The following PIEZO2 variants were observed in gnomAD, a reference collection of about 807,000 sequenced individuals.
PIEZO2 encodes piezo-type mechanosensitive ion channel component 2.
A neutral mutation model predicts 337.3 loss-of-function variants in PIEZO2; 172 were observed. The ratio of observed to expected loss-of-function variants is 0.51; its 90% CI spans 0.45 to 0.58. The LOEUF is 0.58. PIEZO2 is among the 20% of genes least tolerant of loss of function. The probability of loss-of-function intolerance (pLI) is 0.00; values close to 1 mark genes in which losing one functional copy is unlikely to be tolerated. For missense variants in PIEZO2, 3,028 were observed against 3,391.3 expected (o/e 0.89, Z 2.66); for synonymous variants, 1,251 against 1,228.5 (o/e 1.02, Z -0.38).
intron 2 of PIEZO2, among the ~76,000 whole-genome samples, chr18:11,025,056 G>A (rs1359946004): frequency 6.6e-6 from 1 of 151,884 alleles, no homozygotes; most frequent in East Asian, 1.9e-4. Context: ...ATTTCTATAA[G>A]CGTCCTCTCT....
intron 39 of PIEZO2, among the ~76,000 whole-genome samples, chr18:10,708,909 T>C (rs940317606): frequency 1.3e-5 from 2 of 152,120 alleles, no homozygotes; most frequent in African/African-American, 4.8e-5. Context: ...ATCTTTTTTT[T>C]CTTTTTAACA....
chr18:10,828,123 TTTGTTTG>T lies in PIEZO2; in HGVS notation c.918-20856_918-20850del, dbSNP rs1165372523. Among the ~76,000 whole-genome samples, 32 of 117,418 alleles carry T rather than the reference TTTGTTTG, an allele frequency of 2.7e-4. No individual in the cohort carries two copies. Among genetic ancestry groups the T allele is most frequent in the Non-Finnish European group, 3.8e-4 (23 of 59,780 alleles). The allele number at this position is 117,418 out of a possible 152,430, so 77.0% of individuals were successfully genotyped here. On this transcript the variant is annotated intron_variant, in intron 7 of 55. Transcript: ENST00000674853. The surrounding 1 kb of genome is among the most constrained non-coding windows in gnomAD (Gnocchi z 4.1). ...GCTCGAAATAGCATGACGGTTTTTTTTTGTTTGTTTGTTTTTGTTTTTTTTTTTTTTT... is the reference window on the plus strand; with the variant it reads ...GCTCGAAATAGCATGACGGTTTTTTTTTTGTTTTTGTTTTTTTTTTTTTTT...
At chr18:10,739,182 A>G (rs2037123099) in intron 33 of PIEZO2, 1 of 152,352 alleles carries the variant, frequency 6.6e-6, no homozygotes, top group East Asian at 1.9e-4. Flanking sequence ...ACTTGTAAAA[A>G]GAAATACATT....
chr18:11,043,250 C>T (rs1222504491), intron 2 of PIEZO2, among the ~76,000 whole-genome samples: 2 of 70,966 alleles, frequency 2.8e-5, no homozygotes, highest in African/African-American at 2.0e-4. Flanking sequence ...AACGCACACA[C>T]ACACACACAC....
Position 10,894,169 on chromosome 18 carries a change from T to C in PIEZO2, c.329+17017A>G, listed in dbSNP as rs1308320998. 2.0e-5 allele frequency among the ~76,000 whole-genome samples: 3 copies of C among 152,032 alleles called. No homozygotes were observed. The highest frequency in any genetic ancestry group is 7.2e-5 in the African/African-American group (3 of 41,406). ...CAAGCATGTGCATTAAGAGGCAAAA[T>C]GGGCCAAGTGCGGTGGCTCACACCT... On this transcript the variant is annotated intron_variant, in intron 4 of 55. Coordinates refer to ENST00000674853, the MANE Select transcript of PIEZO2 (RefSeq NM_001378183.1). This position sits in a 1 kb window ranked among gnomAD's most constrained non-coding sequence, Gnocchi z 4.1.
rs920911406 is a variant in PIEZO2, at chr18:10,895,916, C to A, written c.329+15270G>T. Among the ~76,000 whole-genome samples the A allele has an allele frequency of 6.6e-6, 1 of 151,684 alleles. No homozygotes were observed. Among genetic ancestry groups the A allele is most frequent in the Admixed American group, 6.6e-5 (1 of 15,226 alleles). ...TTTACTAAAAATACAGAAAATTACC[C>A]GGGCGTGGTGGCGTGTGCCTGTAAT... On this transcript the variant is annotated intron_variant, in intron 4 of 55. Coordinates refer to ENST00000674853, the MANE Select transcript of PIEZO2 (RefSeq NM_001378183.1). This position sits in a 1 kb window ranked among gnomAD's most constrained non-coding sequence, Gnocchi z 4.8.
rs1410272633 is a variant in PIEZO2 at position 11,116,384 on chromosome 18, C to T, written c.64+32141G>A. Reference sequence around the variant, plus strand: ...CCAACGGTGTGAAAATGCACCTCGACAATGCTTGGGTGATCTGTTTCTTGG... The same window carrying T: ...CCAACGGTGTGAAAATGCACCTCGATAATGCTTGGGTGATCTGTTTCTTGG... On this transcript the variant is annotated intron_variant, in intron 1 of 55. Transcript: ENST00000674853. This position sits in a 1 kb window ranked among gnomAD's most constrained non-coding sequence, Gnocchi z 5.0. Among the ~76,000 whole-genome samples the T allele has an allele frequency of 6.6e-6, 1 of 152,102 alleles. No individual in the cohort carries two copies. The highest frequency in any genetic ancestry group is 2.4e-5 in the African/African-American group (1 of 41,410).
At chr18:10,691,630 T>A (rs926198983) in intron 47 of PIEZO2, among the ~76,000 whole-genome samples, 5 of 151,764 alleles carry the variant, frequency 3.3e-5, no homozygotes, top group African/African-American at 1.2e-4. Flanking sequence ...TAGGCCATAA[T>A]TAAAATAAAT....
At position 11,094,185 on chromosome 18, in the gene PIEZO2, GC is replaced by G. The variant is rs912059589; in HGVS notation, c.65-27964del. 2.2e-4 allele frequency among the ~76,000 whole-genome samples: 34 copies of G among 152,106 alleles called. No homozygotes were observed. The highest frequency in any genetic ancestry group is 7.0e-4 in the African/African-American group (29 of 41,458). ...ATAGAGACCAGGTTTCATCATGTTGGCCAGGCTCTTCTCTCTACTGTGATAA... is the reference window on the plus strand; with the variant it reads ...ATAGAGACCAGGTTTCATCATGTTGGCAGGCTCTTCTCTCTACTGTGATAA... On this transcript the variant is annotated intron_variant, in intron 1 of 55. Transcript: ENST00000674853. This position sits in a 1 kb window ranked among gnomAD's most constrained non-coding sequence, Gnocchi z 4.4.
chr18:10,748,425 G>T lies in PIEZO2; in HGVS notation c.4424+46C>A. ...GAAATGATAGTGCAATATTATTTCA[G>T]GCAAGTTTCCTGGGAGAAACCACCT... On this transcript the variant is annotated intron_variant, in intron 30 of 55. Coordinates refer to ENST00000674853, the MANE Select transcript of PIEZO2 (RefSeq NM_001378183.1). The surrounding 1 kb of genome is among the most constrained non-coding windows in gnomAD (Gnocchi z 5.1). 6.6e-7 allele frequency: 1 copy of T among 1,517,608 alleles called. No individual in the cohort carries two copies. The highest frequency in any genetic ancestry group is 8.8e-7 in the Non-Finnish European group (1 of 1,131,536). The allele number at this position is 1,517,608 out of a possible 1,614,324, so 94.0% of individuals were successfully genotyped here. A position where few individuals can be genotyped will look rare whatever the true frequency, so the allele number is the denominator to read the frequency against.
chr18:11,004,678 G>C (rs1469633440), intron 2 of PIEZO2, among the ~76,000 whole-genome samples: 1 of 152,168 alleles, frequency 6.6e-6, no homozygotes, highest in Non-Finnish European at 1.5e-5. Flanking sequence ...AAATGTTGAG[G>C]CCAATGGATC....
intron 1 of PIEZO2, among the ~76,000 whole-genome samples, chr18:11,120,283 T>A (rs1020121744): frequency 7.9e-5 from 12 of 152,364 alleles, no homozygotes; most frequent in African/African-American, 2.9e-4. Flanking sequence ...TTCGGAGGCA[T>A]CTTTTGCATG....
chr18:10,887,065 CTTT>C (rs143421507), intron 4 of PIEZO2, among the ~76,000 whole-genome samples: 2,017 of 91,350 alleles, frequency 0.022, 20 homozygotes, highest in Admixed American at 0.032. Flanking sequence ...AGGTGACACA[CTTT>C]TTTTTTTTTT....
rs868604723 is a variant in PIEZO2 at position 10,671,232 on chromosome 18, C to T, written c.*295G>A. On this transcript the variant is annotated 3_prime_UTR_variant, in exon 56 of 56. Coordinates refer to ENST00000674853, the MANE Select transcript of PIEZO2 (RefSeq NM_001378183.1). ...ACTCCTCTTCTGTTTCTCTTAGGGA[C>T]GGGGCCCATAAATGATTCCTTCACA... 2.7e-5 allele frequency: 7 copies of T among 254,588 alleles called. No individual in the cohort carries two copies. Among genetic ancestry groups the T allele is most frequent in the East Asian group, 1.0e-4 (1 of 9,924 alleles). The allele number at this position is 254,588 out of a possible 1,614,324, so 15.8% of individuals were successfully genotyped here. A position where few individuals can be genotyped will look rare whatever the true frequency, so the allele number is the denominator to read the frequency against.
intron 4 of PIEZO2, among the ~76,000 whole-genome samples, chr18:10,900,032 T>C (rs570254359): frequency 6.6e-6 from 1 of 152,310 alleles, no homozygotes; most frequent in East Asian, 1.9e-4. Flanking sequence ...TTATTTTTGC[T>C]AGAAGAAAAA....
intron 2 of PIEZO2, among the ~76,000 whole-genome samples, chr18:11,042,157 C>T (rs1177565501): frequency 1.3e-5 from 2 of 152,220 alleles, no homozygotes; most frequent in African/African-American, 4.8e-5. Flanking sequence ...TGAGGTCACA[C>T]AAGGAAAAGC....
chr18:11,045,657 C>T (rs1199549224), intron 2 of PIEZO2, among the ~76,000 whole-genome samples: 1 of 152,196 alleles, frequency 6.6e-6, no homozygotes, highest in Non-Finnish European at 1.5e-5. Context: ...AAATTTTTTG[C>T]AGTCTGTGCA....
At chr18:10,771,004 T>A (rs2038583725) in intron 20 of PIEZO2, among the ~76,000 whole-genome samples, 1 of 152,112 alleles carries the variant, frequency 6.6e-6, no homozygotes, top group African/African-American at 2.4e-5. Flanking sequence ...GTGCTGGGAG[T>A]ACAGGCATGA....
Position 10,795,072 on chromosome 18 carries a change from T to C in PIEZO2, c.1528-70A>G. On this transcript the variant is annotated intron_variant, in intron 12 of 55. Coordinates refer to ENST00000674853, the MANE Select transcript of PIEZO2 (RefSeq NM_001378183.1). The surrounding 1 kb of genome is among the most constrained non-coding windows in gnomAD (Gnocchi z 4.4). The stretch of plus-strand genomic sequence containing the variant: ...CTCAGTCCCCCCCGCCCTGGTAAGG[T>C]AAAAACTATCTAAAAAGAAAAGGTC... The C allele has an allele frequency of 7.8e-7, 1 of 1,287,478 alleles. No individual in the cohort carries two copies. The highest frequency in any genetic ancestry group is 1.3e-5 in the South Asian group (1 of 76,168). 79.8% of individuals were successfully genotyped at this position (1,287,478 alleles called of 1,614,324 possible).
Sources: allele counts gnomAD v4.1 joint callset (sites outside exome capture counted in the v4.1 genomes callset), GRCh38; gene constraint gnomAD v4.1.1; non-coding constraint Gnocchi (gnomAD v3.1); transcripts MANE v1.5; gene names NCBI Gene and HGNC (gene_info 2026-07-23, HGNC 2026-07-21).